Variants in ADCY5 observed in about 807,000 individuals in gnomAD.
ADCY5 encodes adenylate cyclase type 5.
Under a neutral mutation model 119.7 loss-of-function variants are expected in ADCY5, and 30 were observed. That is an observed-to-expected ratio of 0.25 (90% CI 0.19 to 0.34). The LOEUF (loss-of-function observed/expected upper bound fraction) is 0.34, where lower values mean the gene tolerates loss of function less well. Among genes scored for constraint, ADCY5 ranks in the 10% least tolerant of loss-of-function variants. The pLI is 1.00. For missense variants in ADCY5, 1,324 were observed against 1,775.2 expected, an observed-to-expected ratio of 0.75 and a Z score of 4.57; for synonymous variants, 753 against 762.2, an observed-to-expected ratio of 0.99 and a Z score of 0.20.
At chr3:123,335,366 C>G (rs991766521) in intron 3 of ADCY5, among the ~76,000 whole-genome samples, 1 of 152,286 alleles carries the variant, frequency 6.6e-6, no homozygotes, top group South Asian at 2.1e-4. Context: ...GTTGGCCTCA[C>G]CATCATAAAA....
chr3:123,293,805 C>T (rs530094469), intron 17 of ADCY5, among the ~76,000 whole-genome samples: 12 of 152,086 alleles, frequency 7.9e-5, no homozygotes, highest in East Asian at 3.9e-4. Context: ...TGTATACACA[C>T]GTTTCCACGT....
chr3:123,437,475 G>T (rs1945639210), intron 1 of ADCY5, among the ~76,000 whole-genome samples: 1 of 152,162 alleles, frequency 6.6e-6, no homozygotes, highest in South Asian at 2.1e-4. Context: ...CTTGCTGTGT[G>T]ACCTTGGGGA....
intron 1 of ADCY5, among the ~76,000 whole-genome samples, chr3:123,408,672 G>A (rs534687985): frequency 9.6e-4 from 123 of 128,770 alleles, no homozygotes; most frequent in African/African-American, 3.4e-3. Context: ...AAAAAAAGCA[G>A]ACACAAAGTT....
chr3:123,424,803 T>C (rs531834687), intron 1 of ADCY5, among the ~76,000 whole-genome samples: 1 of 152,304 alleles, frequency 6.6e-6, no homozygotes, highest in African/African-American at 2.4e-5. Flanking sequence ...AGCATGCCCA[T>C]GTGCCCATCT....
intron 14 of ADCY5, among the ~76,000 whole-genome samples, chr3:123,300,992 C>T (rs1553720386): frequency 6.6e-6 from 1 of 152,028 alleles, no homozygotes; most frequent in Non-Finnish European, 1.5e-5. Context: ...TATGGGGCTC[C>T]AAAGGTTTCA....
chr3:123,358,195 T>TATGTGTGTGTGA (rs1553735701), intron 1 of ADCY5, among the ~76,000 whole-genome samples: 23 of 149,200 alleles, frequency 1.5e-4, no homozygotes, highest in African/African-American at 5.2e-4. Context: ...TGTGTGTGTG[T>TATGTGTGTGTGA]AGGGAGTTGG....
chr3:123,376,675 G>T (rs1943846905), intron 1 of ADCY5, among the ~76,000 whole-genome samples: 1 of 152,088 alleles, frequency 6.6e-6, no homozygotes. Flanking sequence ...TTAGTCCCAG[G>T]TGGCCCCAGA....
intron 7 of ADCY5, among the ~76,000 whole-genome samples, chr3:123,326,317 C>A (rs575059951): frequency 1.3e-5 from 2 of 152,324 alleles, no homozygotes; most frequent in African/African-American, 4.8e-5. Context: ...GTCTGTCTAT[C>A]CATCCAAATG....
intron 1 of ADCY5, among the ~76,000 whole-genome samples, chr3:123,423,453 T>C (rs910784677): frequency 2.6e-5 from 4 of 152,286 alleles, no homozygotes; most frequent in Admixed American, 2.0e-4. Context: ...TTCCCAGATC[T>C]TTAGGCGCCG....
intron 1 of ADCY5, among the ~76,000 whole-genome samples, chr3:123,419,898 C>G (rs1004687827): frequency 1.3e-5 from 2 of 152,036 alleles, no homozygotes; most frequent in Admixed American, 1.3e-4. Flanking sequence ...TTTATTCTAC[C>G]TTGTATTATT....
At chr3:123,391,784 G>A (rs1478453763) in intron 1 of ADCY5, among the ~76,000 whole-genome samples, 1 of 152,192 alleles carries the variant, frequency 6.6e-6, no homozygotes, top group Admixed American at 6.5e-5. Flanking sequence ...ATTCACAAGT[G>A]GGCCACATCT....
chr3:123,396,548 GAAAGA>G (rs1944576282), intron 1 of ADCY5, among the ~76,000 whole-genome samples: 1 of 89,560 alleles, frequency 1.1e-5, no homozygotes, highest in African/African-American at 3.9e-5. Context: ...AAGAAAGAAA[GAAAGA>G]AAAAGAGAAA....
At chr3:123,388,205 G>A (rs1049081742) in intron 1 of ADCY5, among the ~76,000 whole-genome samples, 2 of 152,204 alleles carry the variant, frequency 1.3e-5, no homozygotes, top group Admixed American at 6.5e-5. Context: ...GCTGCGCAAT[G>A]GTCCAGATGA....
intron 3 of ADCY5, among the ~76,000 whole-genome samples, chr3:123,342,071 C>T (rs1430279026): frequency 1.3e-5 from 2 of 152,114 alleles, no homozygotes; most frequent in South Asian, 2.1e-4. Context: ...CCTGGGATTA[C>T]AAGTATGAAC....
intron 1 of ADCY5, among the ~76,000 whole-genome samples, chr3:123,439,075 G>GTTTTTTTTTTTTTT (rs1553750271): frequency 3.6e-4 from 1 of 2,794 alleles, no homozygotes; most frequent in Non-Finnish European, 1.2e-3. Flanking sequence ...ACCCTAAAGT[G>GTTTTTTTTTTTTTT]CTTTTTTTTT....
At chr3:123,355,733 G>A (rs1378006807) in intron 1 of ADCY5, among the ~76,000 whole-genome samples, 3 of 151,322 alleles carry the variant, frequency 2.0e-5, no homozygotes, top group Non-Finnish European at 4.4e-5. Context: ...AATTTTAAAA[G>A]ACTTTAATAA....
At chr3:123,323,965 C>T (rs1478344065) in intron 8 of ADCY5, among the ~76,000 whole-genome samples, 1 of 152,060 alleles carries the variant, frequency 6.6e-6, no homozygotes, top group African/African-American at 2.4e-5. Context: ...GGGAGGGTGG[C>T]CAACTGCTCT....
At chr3:123,298,277 G>A (rs150914572) in intron 15 of ADCY5, among the ~76,000 whole-genome samples, 2,055 of 152,158 alleles carry the variant, frequency 0.014, 46 homozygotes, top group African/African-American at 0.048. Context: ...TACAGCACCC[G>A]GCCCACTTTT....
intron 1 of ADCY5, among the ~76,000 whole-genome samples, chr3:123,400,281 C>T (rs182225768): frequency 4.6e-5 from 7 of 152,242 alleles, no homozygotes; most frequent in Admixed American, 3.3e-4. Flanking sequence ...TACAAGCAGC[C>T]GGATGCTTCA....
Sources: allele counts gnomAD v4.1 joint callset (sites outside exome capture counted in the v4.1 genomes callset), GRCh38; gene constraint gnomAD v4.1.1; transcripts MANE v1.5; gene names NCBI Gene and HGNC (gene_info 2026-07-23, HGNC 2026-07-21).